TAC3: variants seen among roughly 807,000 people sequenced by gnomAD.
TAC3 encodes the protein tachykinin precursor 3.
In TAC3, 9 loss-of-function variants were observed where a neutral mutation model predicts 16.5. The ratio of observed to expected loss-of-function variants is 0.55; its 90% CI spans 0.33 to 0.95. The LOEUF (loss-of-function observed/expected upper bound fraction) is 0.95. Among genes scored for constraint, TAC3 ranks in the 40% least tolerant of loss-of-function variants. TAC3 has a pLI of 0.03. For missense variants in TAC3, 129 were observed against 149.1 expected, an observed-to-expected ratio of 0.87 and a Z score of 0.70; for synonymous variants, 52 against 56.7, an observed-to-expected ratio of 0.92 and a Z score of 0.37.
Position 57,013,582 on chromosome 12 carries a change from G to C in TAC3, c.204C>G (p.Ser68Arg). 6.2e-7 allele frequency: 1 copy of C among 1,613,258 alleles called. No individual in the cohort carries two copies. The highest frequency in any genetic ancestry group is 1.1e-5 in the South Asian group (1 of 90,878). ...TCCCCTAGGGCCGCCTCCTACCTGTGCTAGCCTGGCTCAGGGCTTTGAGCA... is the reference window on the plus strand; with the variant it reads ...TCCCCTAGGGCCGCCTCCTACCTGTCCTAGCCTGGCTCAGGGCTTTGAGCA... ...EGLLKALSQA[S>R]TDPKESTSPE... Residue 68 changes from serine to arginine, a missense_variant, in exon 3 of 7, where the codon AGC (serine) becomes AGG (arginine). Transcript: ENST00000458521.
chr12:57,013,025 C>T, intron 4 of TAC3, 150 bp from the exon 5 acceptor site: 2 of 951,416 alleles, frequency 2.1e-6, no homozygotes, highest in Non-Finnish European at 3.3e-6. Context: ...AGTGCCTCCC[C>T]TAAACCCACT....
intron 6 of TAC3, among the ~76,000 whole-genome samples, chr12:57,011,484 C>T (rs1333239832): frequency 6.6e-6 from 1 of 152,224 alleles, no homozygotes; most frequent in African/African-American, 2.4e-5. Flanking sequence ...TGACTAGACA[C>T]TTCCCTGGGG....
At chr12:57,015,188 G>A (rs1956355812) in intron 2 of TAC3, among the ~76,000 whole-genome samples, 1 of 152,102 alleles carries the variant, frequency 6.6e-6, no homozygotes, top group South Asian at 2.1e-4. Context: ...AGGTTACTGG[G>A]GGTGGATGAG....
chr12:57,012,779 C>T, intron 5 of TAC3, 43 bp downstream of exon 5: 3 of 1,614,040 alleles, frequency 1.9e-6, no homozygotes, highest in South Asian at 2.2e-5. Context: ...TCATACTCTG[C>T]CAGTACCCTA....
At position 57,015,687 on chromosome 12, in the gene TAC3, G is replaced by A. The variant is rs1355605493; in HGVS notation, c.111C>T (p.Ser37=). The A allele has an allele frequency of 6.2e-7, 1 of 1,613,366 alleles. No homozygotes were observed. The highest frequency in any genetic ancestry group is 1.3e-5 in the African/African-American group (1 of 74,906). ...TACTCTGCCAGGGGAGACTTACCTTGCTGCGGCCCCCGCCAGGAACCACCT... is the reference window on the plus strand; with the variant it reads ...TACTCTGCCAGGGGAGACTTACCTTACTGCGGCCCCCGCCAGGAACCACCT... The part of the protein sequence containing the change: ...QEEVVPGGGR[S]KRDPDLYQLL... Residue 37 remains serine (S), a synonymous_variant, in exon 2 of 7, where the codon AGC becomes AGT. Coordinates refer to ENST00000458521, the MANE Select transcript of TAC3 (RefSeq NM_013251.4).
At chr12:57,013,074 T>A (rs895578247) in intron 4 of TAC3, 199 bp from the exon 5 acceptor site, 2 of 798,450 alleles carry the variant, frequency 2.5e-6, no homozygotes, top group African/African-American at 1.7e-5. Flanking sequence ...TTTCAAGAAT[T>A]TTCTGCTCTA....
chr12:57,012,958 T>C, intron 4 of TAC3, 83 bp from the exon 5 acceptor site: 7 of 1,549,828 alleles, frequency 4.5e-6, no homozygotes, highest in Non-Finnish European at 6.2e-6. Context: ...CTTCTGAGAC[T>C]GGGTTTCTGG....
At chr12:57,011,459 G>A (rs1346940666) in intron 6 of TAC3, among the ~76,000 whole-genome samples, 1 of 152,166 alleles carries the variant, frequency 6.6e-6, no homozygotes, top group Non-Finnish European at 1.5e-5. Flanking sequence ...GTGTCAAGGC[G>A]GAAGGTTCGT....
At chr12:57,015,870 C>G in intron 1 of TAC3, 68 bp from the exon 2 acceptor site, 1 of 1,360,478 alleles carries the variant, frequency 7.4e-7, no homozygotes, top group Non-Finnish European at 1.0e-6. Flanking sequence ...GGTGAAGACA[C>G]AAGAGACATT....
chr12:57,015,600 C>T, intron 2 of TAC3, 84 bp downstream of exon 2: 1 of 1,257,834 alleles, frequency 8.0e-7, no homozygotes, highest in Non-Finnish European at 1.2e-6. Context: ...ACCCCCCCAC[C>T]CCAGTTTCCT....
At chr12:57,015,631 G>T (rs1956360921) in intron 2 of TAC3, 53 bp downstream of exon 2, 2 of 1,530,764 alleles carry the variant, frequency 1.3e-6, no homozygotes, top group African/African-American at 1.4e-5. Flanking sequence ...GTCCAGACAG[G>T]CAGAGTCCCA....
chr12:57,013,443 A>G, intron 3 of TAC3, 55 bp from the exon 4 acceptor site: 1 of 1,609,064 alleles, frequency 6.2e-7, no homozygotes, highest in Non-Finnish European at 8.5e-7. Flanking sequence ...AAGTGATGAG[A>G]GCGGGGTTCA....
Position 57,013,185 on chromosome 12 carries a change from T to C in TAC3, c.238+174A>G, listed in dbSNP as rs539146352. On this transcript the variant is annotated intron_variant, in intron 4 of 6. Transcript: ENST00000458521. ...AGCCCACCATGCCCCTCACACCAGC[T>C]TCCTCCTAGTTCTGGATGGCCTCTC... is the stretch of plus-strand genomic sequence containing the variant. 5.4e-5 allele frequency: 46 copies of C among 846,176 alleles called. 1 individual carries two copies. Among genetic ancestry groups the C allele is most frequent in the Admixed American group, 4.7e-4 (23 of 49,180 alleles). 52.4% of individuals were successfully genotyped at this position (846,176 alleles called of 1,614,324 possible).
intron 6 of TAC3, chr12:57,010,793 T>G (rs1956288058): frequency 6.6e-6 from 1 of 152,274 alleles, no homozygotes; most frequent in Non-Finnish European, 1.5e-5. Flanking sequence ...AATCTTTAAA[T>G]GCCAGCTCCC....
chr12:57,010,156 A>T lies in TAC3; in HGVS notation c.*134T>A, dbSNP rs1295339882. 2 of 454,012 alleles carry T rather than the reference A, an allele frequency of 4.4e-6. No individual in the cohort carries two copies. Among genetic ancestry groups the T allele is most frequent in the Non-Finnish European group, 8.8e-6 (2 of 226,800 alleles). The allele number at this position is 454,012 out of a possible 1,614,324, so 28.1% of individuals were successfully genotyped here. A position where few individuals can be genotyped will look rare whatever the true frequency, so the allele number is the denominator to read the frequency against. On this transcript the variant is annotated 3_prime_UTR_variant, in exon 7 of 7. Transcript: ENST00000458521. Reference sequence around the variant, plus strand: ...TCCACACCAGGGTCAGGTAGAAAAGATGGAGAAGGAGTCAAAGCACAAGAA... The same window carrying T: ...TCCACACCAGGGTCAGGTAGAAAAGTTGGAGAAGGAGTCAAAGCACAAGAA...
rs754683536 is a variant in TAC3 at position 57,015,738 on chromosome 12, C to G, written c.60G>C (p.Gly20=). 5 of 1,614,134 alleles carry G rather than the reference C, an allele frequency of 3.1e-6. No homozygotes were observed. Among genetic ancestry groups the G allele is most frequent in the African/African-American group, 1.3e-5 (1 of 75,054 alleles). ...ILAFSLAQSF[G]AVCKEPQEEV... ...CCTCCTGTGGCTCCTTACAGACAGC[C>G]CCAAAGCTCTGAGCTAGGCTGAAGG... The change falls in exon 2 of 7, where the codon GGG becomes GGC. Residue 20 remains glycine (G), a synonymous_variant. Coordinates refer to ENST00000458521, the MANE Select transcript of TAC3 (RefSeq NM_013251.4).
chr12:57,010,323 C>A, intron 6 of TAC3, 35 bp from the exon 7 acceptor site: 1 of 391,252 alleles, frequency 2.6e-6, no homozygotes, highest in Non-Finnish European at 5.0e-6. Context: ...CAAAAAAAAA[C>A]ACTGAAATCA....
At chr12:57,015,279 A>C (rs1463655470) in intron 2 of TAC3, among the ~76,000 whole-genome samples, 3 of 152,182 alleles carry the variant, frequency 2.0e-5, no homozygotes, top group African/African-American at 7.2e-5. Flanking sequence ...ACAAATAACC[A>C]TTTGGGAAAG....
rs758046530 is a variant in TAC3 at position 57,015,716 on chromosome 12, C to T, written c.82G>A (p.Glu28Lys). Residue 28 changes from glutamate to lysine, a missense_variant, in exon 2 of 7, where the codon GAG (glutamate) becomes AAG (lysine). Physicochemically the swap from Glu to Lys is moderately conservative, Grantham distance 56 (BLOSUM62 1). Coordinates refer to ENST00000458521, the MANE Select transcript of TAC3 (RefSeq NM_013251.4). ...SFGAVCKEPQ[E>K]EVVPGGGRSK... The stretch of plus-strand genomic sequence containing the variant: ...CGGCCCCCGCCAGGAACCACCTCCT[C>T]CTGTGGCTCCTTACAGACAGCCCCA... 6.2e-7 allele frequency: 1 copy of T among 1,614,130 alleles called. No individual in the cohort carries two copies. Among genetic ancestry groups the T allele is most frequent in the Non-Finnish European group, 8.5e-7 (1 of 1,180,018 alleles).
Sources: allele counts gnomAD v4.1 joint callset (sites outside exome capture counted in the v4.1 genomes callset), GRCh38; gene constraint gnomAD v4.1.1; transcripts MANE v1.5; gene names NCBI Gene and HGNC (gene_info 2026-07-23, HGNC 2026-07-21).